The following ZFYVE9 variants were observed in gnomAD, a reference collection of about 807,000 sequenced individuals.
The protein encoded by ZFYVE9 is zinc finger FYVE-type containing 9.
A neutral mutation model predicts 126.7 loss-of-function variants in ZFYVE9; 43 were observed. The ratio of observed to expected loss-of-function variants is 0.34; its 90% confidence interval spans 0.27 to 0.44. ZFYVE9 has a LOEUF of 0.44. Ranked by LOEUF, ZFYVE9 falls within the 20% of genes least tolerant of loss-of-function variation. The pLI is 1.00. For synonymous variants in ZFYVE9, 521 were observed against 597.4 expected (o/e 0.87, Z 1.87); for missense variants, 1,476 against 1,697.0 (o/e 0.87, Z 2.29).
intron 10 of ZFYVE9, among the ~76,000 whole-genome samples, chr1:52,291,770 CG>C (rs1645922640): frequency 6.7e-6 from 1 of 149,960 alleles, no homozygotes; most frequent in Non-Finnish European, 1.5e-5. Flanking sequence ...CCCAGCTACT[CG>C]GGAGGCTGAG....
At chr1:52,246,349 T>G (rs1645383488) in intron 4 of ZFYVE9, among the ~76,000 whole-genome samples, 1 of 152,216 alleles carries the variant, frequency 6.6e-6, no homozygotes, top group African/African-American at 2.4e-5. Context: ...TTAAATTAGT[T>G]GCAGTTTATT....
At chr1:52,227,370 A>ACTTTG (rs869196609) in intron 2 of ZFYVE9, among the ~76,000 whole-genome samples, 3 of 84,518 alleles carry the variant, frequency 3.5e-5, no homozygotes, top group African/African-American at 1.4e-4. Context: ...GCGTTGCCTA[A>ACTTTG]GGAAGTTTCC....
chr1:52,164,646 A>G (rs1192200047), intron 1 of ZFYVE9, among the ~76,000 whole-genome samples: 1 of 151,196 alleles, frequency 6.6e-6, no homozygotes, highest in Non-Finnish European at 1.5e-5. Context: ...CCGTCCGTCC[A>G]TCCGTCCATC....
intron 1 of ZFYVE9, among the ~76,000 whole-genome samples, chr1:52,186,202 T>C (rs1644763612): frequency 6.7e-6 from 1 of 148,740 alleles, no homozygotes; most frequent in Non-Finnish European, 1.5e-5. Flanking sequence ...ATCATGCCAC[T>C]GCACTCCAGC....
intron 6 of ZFYVE9, among the ~76,000 whole-genome samples, chr1:52,268,023 GA>G (rs1466776129): frequency 3.3e-5 from 5 of 152,106 alleles, no homozygotes; most frequent in African/African-American, 1.2e-4. Flanking sequence ...TTTGCCCTTT[GA>G]AAGTACCATA....
intron 13 of ZFYVE9, among the ~76,000 whole-genome samples, chr1:52,316,821 T>G (rs1204043588): frequency 2.0e-5 from 3 of 152,204 alleles, no homozygotes; most frequent in Admixed American, 6.5e-5. Flanking sequence ...ATGGAAAACT[T>G]GAAGAACACA....
chr1:52,332,908 G>C lies in ZFYVE9; in HGVS notation c.3579G>C (p.Gln1193His). Residue 1193 changes from glutamine (Q) to histidine (H), a missense_variant, in exon 14 of 19, where the codon CAG becomes CAC. By Grantham distance (24) the Gln-to-His change is conservative (BLOSUM62 0). Transcript: ENST00000287727. ...YQTQAISIHN[Q>H]PRKVTGASFF... ...CCCAGGCTATCAGTATTCACAATCAGCCCAGAAAAGGTGAGCATTTGAGCT... is the reference window on the plus strand; with the variant it reads ...CCCAGGCTATCAGTATTCACAATCACCCCAGAAAAGGTGAGCATTTGAGCT... The C allele has an allele frequency of 6.2e-7, 1 of 1,614,066 alleles. No individual in the cohort carries two copies. Among genetic ancestry groups the C allele is most frequent in the Non-Finnish European group, 8.5e-7 (1 of 1,179,988 alleles).
intron 1 of ZFYVE9, among the ~76,000 whole-genome samples, chr1:52,183,595 C>T (rs980295927): frequency 5.3e-5 from 8 of 151,778 alleles, no homozygotes; most frequent in Non-Finnish European, 1.0e-4. Context: ...CTCTGCCTCC[C>T]GGGTTCAAGT....
intron 1 of ZFYVE9, among the ~76,000 whole-genome samples, chr1:52,165,173 C>G (rs992371667): frequency 6.6e-6 from 1 of 151,918 alleles, no homozygotes; most frequent in African/African-American, 2.4e-5. Flanking sequence ...TTAAGGGACC[C>G]CACTGCCTTT....
In ZFYVE9 at chr1:52,238,776, C is replaced by T; in HGVS notation, c.1359C>T (p.Cys453=). The part of the protein sequence containing the change: ...ADAGLDLKGT[C]ISESEECDFS... ...CAGGTCTAGATTTAAAAGGAACTTG[C>T]ATTAGTGAAAGTGAAGAATGTGATT... The change falls in exon 4 of 19, where the codon TGC becomes TGT. Residue 453 remains cysteine, a synonymous_variant. Transcript: ENST00000287727. The T allele has an allele frequency of 2.5e-6, 4 of 1,614,046 alleles. No homozygotes were observed. Among genetic ancestry groups the T allele is most frequent in the South Asian group, 2.2e-5 (2 of 91,076 alleles).
intron 4 of ZFYVE9, among the ~76,000 whole-genome samples, chr1:52,242,541 CTT>C (rs36041089): frequency 9.7e-5 from 14 of 144,578 alleles, no homozygotes; most frequent in Admixed American, 1.4e-4. Context: ...TGCAGCAGTA[CTT>C]TTTTTTTTTT....
intron 7 of ZFYVE9, among the ~76,000 whole-genome samples, chr1:52,272,490 A>G (rs1645702197): frequency 6.6e-6 from 1 of 152,180 alleles, no homozygotes; most frequent in African/African-American, 2.4e-5. Context: ...TTTTGTGTTT[A>G]GCTTTTTAAG....
chr1:52,344,440 G>C (rs1243431930), intron 17 of ZFYVE9, among the ~76,000 whole-genome samples: 1 of 152,176 alleles, frequency 6.6e-6, no homozygotes, highest in Admixed American at 6.5e-5. Context: ...CCACATACAG[G>C]GATTACCTTT....
At chr1:52,151,143 C>A (rs1158674119) in intron 1 of ZFYVE9, among the ~76,000 whole-genome samples, 1 of 152,130 alleles carries the variant, frequency 6.6e-6, no homozygotes, top group Non-Finnish European at 1.5e-5. Flanking sequence ...CCAAGCTGAT[C>A]ATTCCTCCCT....
chr1:52,160,709 C>T (rs370858999), intron 1 of ZFYVE9: 28 of 438,578 alleles, frequency 6.4e-5, no homozygotes, highest in Middle Eastern at 5.6e-4. Flanking sequence ...CCACTGTGCC[C>T]GGCCTTGATG....
intron 13 of ZFYVE9, among the ~76,000 whole-genome samples, chr1:52,322,601 C>T (rs1215010202): frequency 6.6e-6 from 1 of 151,844 alleles, no homozygotes; most frequent in African/African-American, 2.4e-5. Flanking sequence ...TGGTCTCGAA[C>T]TCCTGACCTT....
intron 1 of ZFYVE9, among the ~76,000 whole-genome samples, chr1:52,191,561 C>T (rs1644816900): frequency 6.6e-6 from 1 of 152,194 alleles, no homozygotes; most frequent in Non-Finnish European, 1.5e-5. Flanking sequence ...GCATTGTCAT[C>T]TAATTTTCTA....
chr1:52,219,315 A>G (rs1254500455), intron 2 of ZFYVE9, among the ~76,000 whole-genome samples: 1 of 152,088 alleles, frequency 6.6e-6, no homozygotes, highest in Non-Finnish European at 1.5e-5. Context: ...AAGGAAGAAT[A>G]AAAAGACAGA....
chr1:52,273,887 T>A (rs1645719120), intron 7 of ZFYVE9, among the ~76,000 whole-genome samples: 1 of 151,906 alleles, frequency 6.6e-6, no homozygotes, highest in African/African-American at 2.4e-5. Context: ...AATGATGACA[T>A]TTTATCAAAG....
Sources: allele counts gnomAD v4.1 joint callset (sites outside exome capture counted in the v4.1 genomes callset), GRCh38; gene constraint gnomAD v4.1.1; transcripts MANE v1.5; gene names NCBI Gene and HGNC (gene_info 2026-07-23, HGNC 2026-07-21).